The following EHD4 variants were observed in gnomAD, a reference collection of about 807,000 sequenced individuals.
EHD4 encodes the protein EH domain-containing protein 4.
EHD4 carries 37 observed loss-of-function variants against 51.0 expected under a neutral mutation model. The ratio of observed to expected loss-of-function variants is 0.73; its 90% CI spans 0.56 to 0.95. The LOEUF (loss-of-function observed/expected upper bound fraction) is 0.95. EHD4 is among the 40% of genes least tolerant of loss of function. The probability of loss-of-function intolerance (pLI) is 0.00; values close to 1 mark genes in which losing one functional copy is unlikely to be tolerated. For missense variants in EHD4, 632 were observed against 733.1 expected (o/e 0.86, Z 1.59); for synonymous variants, 297 against 317.3 (o/e 0.94, Z 0.68).
rs2067458089 is a variant in EHD4, at chr15:41,898,998, T to C, written c.*1647A>G. ...GTAAGGGTAGGCATCTGGATATAAA[T>C]GCTTCTCCCAAATCAAGATTTTCTC... On this transcript the variant is annotated 3_prime_UTR_variant, in exon 6 of 6. Coordinates refer to ENST00000220325, the MANE Select transcript of EHD4 (RefSeq NM_139265.4). 6.6e-6 allele frequency: 1 copy of C among 152,136 alleles called. No individual in the cohort carries two copies. Among genetic ancestry groups the C allele is most frequent in the African/African-American group, 2.4e-5 (1 of 41,428 alleles). The allele number at this position is 152,136 out of a possible 1,614,324, so 9.4% of individuals were successfully genotyped here.
At chr15:41,915,263 A>G (rs527364182) in intron 4 of EHD4, among the ~76,000 whole-genome samples, 43 of 152,298 alleles carry the variant, frequency 2.8e-4, no homozygotes, top group Non-Finnish European at 6.0e-4. Context: ...CATTTAGTAG[A>G]GACGGGGTTT....
At chr15:41,949,584 T>A (rs1052375888) in intron 2 of EHD4, among the ~76,000 whole-genome samples, 1 of 152,186 alleles carries the variant, frequency 6.6e-6, no homozygotes, top group African/African-American at 2.4e-5. Flanking sequence ...CTGGAAGGGC[T>A]GTTCACATTC....
chr15:41,966,753 GTTC>G (rs2067964267), intron 1 of EHD4, among the ~76,000 whole-genome samples: 1 of 152,170 alleles, frequency 6.6e-6, no homozygotes, highest in South Asian at 2.1e-4. Context: ...TCAGGAAAAC[GTTC>G]TTATCTTTTT....
intron 3 of EHD4, among the ~76,000 whole-genome samples, chr15:41,935,493 C>T (rs553729581): frequency 3.2e-4 from 49 of 152,244 alleles, no homozygotes; most frequent in African/African-American, 1.1e-3. Context: ...GTAGTGTGTA[C>T]TCTTTTCCAA....
rs571472606 is a variant in EHD4, at chr15:41,962,752, T to C, written c.237-8812A>G. On this transcript the variant is annotated intron_variant, in intron 1 of 5. Coordinates refer to ENST00000220325, the MANE Select transcript of EHD4 (RefSeq NM_139265.4). ...CTGCCCAGCCACCCTGTCTGGGAAG[T>C]GAGGAGCCCCTCTGCCCGGCCGCCA... is the stretch of plus-strand genomic sequence containing the variant. 2.0e-4 allele frequency among the ~76,000 whole-genome samples: 31 copies of C among 151,780 alleles called. 1 individual carries two copies. The South Asian group carries it at 5.8e-3, about 29-fold the overall frequency.
intron 5 of EHD4, among the ~76,000 whole-genome samples, chr15:41,906,808 G>C (rs1490199950): frequency 2.0e-5 from 3 of 152,254 alleles, no homozygotes; most frequent in African/African-American, 7.2e-5. Context: ...CACAGAGCCT[G>C]CTCCTATGTC....
intron 2 of EHD4, among the ~76,000 whole-genome samples, chr15:41,953,527 C>T (rs1169135134): frequency 6.6e-6 from 1 of 152,162 alleles, no homozygotes; most frequent in African/African-American, 2.4e-5. Context: ...CCTGTGCAGC[C>T]TTATAATGTC....
At chr15:41,943,426 G>T (rs1361191927) in intron 2 of EHD4, among the ~76,000 whole-genome samples, 1 of 152,176 alleles carries the variant, frequency 6.6e-6, no homozygotes, top group African/African-American at 2.4e-5. Context: ...GCTGCCATCT[G>T]CCACCTGATG....
chr15:41,967,853 T>C (rs2067969928), intron 1 of EHD4, among the ~76,000 whole-genome samples: 1 of 152,200 alleles, frequency 6.6e-6, no homozygotes, highest in African/African-American at 2.4e-5. Flanking sequence ...AGCCACCAAA[T>C]ACAGTTCTTT....
chr15:41,961,650 T>C (rs1261798488), intron 1 of EHD4, among the ~76,000 whole-genome samples: 1 of 152,236 alleles, frequency 6.6e-6, no homozygotes, highest in African/African-American at 2.4e-5. Context: ...TTTTGTTTTT[T>C]TCTCCAAATA....
chr15:41,923,307 C>T (rs1438676169), intron 3 of EHD4, among the ~76,000 whole-genome samples: 1 of 152,180 alleles, frequency 6.6e-6, no homozygotes, highest in Non-Finnish European at 1.5e-5. Flanking sequence ...TAGCATGTGT[C>T]AGAGTCTCTC....
intron 4 of EHD4, among the ~76,000 whole-genome samples, chr15:41,914,323 A>AT (rs1186275348): frequency 1.3e-5 from 2 of 151,610 alleles, no homozygotes; most frequent in Admixed American, 6.6e-5. Context: ...TGCATAGAGT[A>AT]TTTAAAGCCA....
At chr15:41,919,113 C>A in intron 4 of EHD4, 97 bp downstream of exon 4, 1 of 1,513,360 alleles carries the variant, frequency 6.6e-7, no homozygotes, top group Non-Finnish European at 9.1e-7. Context: ...TTCCTTAAGC[C>A]TTCTGGAACG....
At chr15:41,907,081 C>T (rs1156424718) in intron 5 of EHD4, among the ~76,000 whole-genome samples, 2 of 152,192 alleles carry the variant, frequency 1.3e-5, no homozygotes, top group Non-Finnish European at 2.9e-5. Flanking sequence ...CCAGAGCCTG[C>T]TCCCTACATT....
chr15:41,960,670 ATTTTTTTT>A (rs577281838), intron 1 of EHD4, among the ~76,000 whole-genome samples: 1 of 127,910 alleles, frequency 7.8e-6, no homozygotes, highest in Admixed American at 8.0e-5. Context: ...CTTCACTTAC[ATTTTTTTT>A]TTTTTTTTTT....
At chr15:41,930,327 T>C (rs988726098) in intron 3 of EHD4, among the ~76,000 whole-genome samples, 1 of 152,232 alleles carries the variant, frequency 6.6e-6, no homozygotes, top group Non-Finnish European at 1.5e-5. Context: ...TCATACAATA[T>C]GTCTATAAAT....
At chr15:41,963,960 A>G (rs1421351018) in intron 1 of EHD4, among the ~76,000 whole-genome samples, 2 of 151,904 alleles carry the variant, frequency 1.3e-5, no homozygotes, top group East Asian at 1.9e-4. Context: ...CCTGGCTAAT[A>G]CAGTGAAACC....
intron 3 of EHD4, among the ~76,000 whole-genome samples, chr15:41,928,124 T>C (rs1307979067): frequency 6.6e-6 from 1 of 152,242 alleles, no homozygotes; most frequent in African/African-American, 2.4e-5. Context: ...CATTGTTTCC[T>C]GGCTGAGTTT....
chr15:41,908,274 A>C (rs1013687921), intron 5 of EHD4: 2 of 152,236 alleles, frequency 1.3e-5, no homozygotes, highest in Admixed American at 6.5e-5. Flanking sequence ...TCAAAACAGC[A>C]AGAAAAACCC....
Sources: gnomAD v4.1 joint callset for allele counts (sites outside exome capture counted in the v4.1 genomes callset) on GRCh38, gnomAD v4.1.1 for gene constraint, MANE v1.5 for transcripts, NCBI Gene and HGNC (gene_info 2026-07-23, HGNC 2026-07-21) for gene names.